HRH1: variants seen among roughly 807,000 people sequenced by gnomAD.
HRH1 encodes histamine H1 receptor.
HRH1 carries 6 observed loss-of-function variants against 10.3 expected under a neutral mutation model. The observed-to-expected ratio is 0.58, with a 90% CI of 0.32 to 1.15. The LOEUF is 1.15. Ranked by LOEUF, HRH1 falls within the 50% of genes most tolerant of loss-of-function variation. HRH1 has a pLI of 0.05. For missense variants in HRH1, 514 were observed against 615.3 expected (o/e 0.84, Z 1.74); for synonymous variants, 242 against 236.7 (o/e 1.02, Z -0.21).
chr3:11,260,174 G>T lies in HRH1; in HGVS notation c.1137G>T (p.Gly379=), dbSNP rs774174958. The T allele has an allele frequency of 4.3e-6, 7 of 1,614,030 alleles. No homozygotes were observed. The South Asian group carries it at 6.6e-5, about 15-fold the overall frequency. The change falls in exon 2 of 2, where the codon GGG becomes GGT. Residue 379 remains glycine (G), a synonymous_variant. Coordinates refer to ENST00000431010, the MANE Select transcript of HRH1 (RefSeq NM_001098212.2). ...CAGGCAAAGGCAAATTGAGGAGTGG[G>T]TCTAACACAGGCCTGGATTACATCA... The part of the protein sequence containing the change: ...TAPGKGKLRS[G]SNTGLDYIKF...
Position 11,230,283 on chromosome 3 carries a change from G to C in HRH1, c.-35-28720G>C, listed in dbSNP as rs188097238. Among the ~76,000 whole-genome samples, 587 of 152,302 alleles carry C rather than the reference G, an allele frequency of 3.9e-3. 2 individuals are homozygous for C. Among genetic ancestry groups the C allele is most frequent in the South Asian group, 8.3e-3 (40 of 4,826 alleles). ...GACAAGAACTTTAAATTCCATTACT[G>C]GCCTTGGGTGCCAAGATGAGCTCAT... is the stretch of plus-strand genomic sequence containing the variant. On this transcript the variant is annotated intron_variant, in intron 1 of 1. Transcript: ENST00000431010.
intron 1 of HRH1, among the ~76,000 whole-genome samples, chr3:11,212,107 GCCGTGAAATGGCCA>G (rs1337091061): frequency 1.3e-5 from 2 of 152,118 alleles, no homozygotes; most frequent in African/African-American, 2.4e-5. Flanking sequence ...TTGCTGTCCT[GCCGTGAAATGGCCA>G]CCTCCCCAGA....
chr3:11,208,907 T>G (rs746164218), intron 1 of HRH1, among the ~76,000 whole-genome samples: 5 of 152,170 alleles, frequency 3.3e-5, no homozygotes, highest in Non-Finnish European at 7.3e-5. Context: ...CCAAAGAATA[T>G]GTACATTTTA....
chr3:11,193,337 G>A (rs989472698), intron 1 of HRH1, among the ~76,000 whole-genome samples: 19 of 152,210 alleles, frequency 1.2e-4, no homozygotes, highest in Non-Finnish European at 2.6e-4. Flanking sequence ...TTAATATCAG[G>A]CTAGCAGTTA....
At chr3:11,170,683 T>C (rs1378037982) in intron 1 of HRH1, among the ~76,000 whole-genome samples, 3 of 152,206 alleles carry the variant, frequency 2.0e-5, no homozygotes, top group Admixed American at 2.0e-4. Context: ...ACACAAGGGT[T>C]ACGAGCACAC....
chr3:11,251,706 C>T (rs553006313), intron 1 of HRH1, among the ~76,000 whole-genome samples: 2 of 152,138 alleles, frequency 1.3e-5, no homozygotes, highest in African/African-American at 2.4e-5. Context: ...ATCTGTAGTT[C>T]GGATTAAATC....
intron 1 of HRH1, among the ~76,000 whole-genome samples, chr3:11,217,780 A>G (rs1938563432): frequency 6.6e-6 from 1 of 152,234 alleles, no homozygotes; most frequent in Non-Finnish European, 1.5e-5. Context: ...AGATATAGGT[A>G]TTAAGTATAA....
intron 1 of HRH1, among the ~76,000 whole-genome samples, chr3:11,226,714 C>T (rs557630052): frequency 4.6e-5 from 7 of 151,518 alleles, no homozygotes; most frequent in Admixed American, 1.3e-4. Flanking sequence ...GGTGAAACCC[C>T]GTCTCTACTA....
intron 1 of HRH1, among the ~76,000 whole-genome samples, chr3:11,211,108 G>A (rs1938312854): frequency 6.6e-6 from 1 of 152,226 alleles, no homozygotes; most frequent in South Asian, 2.1e-4. Context: ...TTCAAGTAGT[G>A]GTGGATGCTC....
chr3:11,168,191 T>G (rs1383093887), intron 1 of HRH1, among the ~76,000 whole-genome samples: 2 of 152,120 alleles, frequency 1.3e-5, no homozygotes, highest in Non-Finnish European at 2.9e-5. Context: ...GGGTTTGGAA[T>G]GTTCCAGAAA....
At chr3:11,198,459 T>C (rs1392341658) in intron 1 of HRH1, among the ~76,000 whole-genome samples, 1 of 152,212 alleles carries the variant, frequency 6.6e-6, no homozygotes, top group East Asian at 1.9e-4. Context: ...CTTATTATTA[T>C]AATAATCGCT....
intron 1 of HRH1, among the ~76,000 whole-genome samples, chr3:11,228,560 A>G (rs979119063): frequency 6.6e-6 from 1 of 152,054 alleles, no homozygotes; most frequent in Non-Finnish European, 1.5e-5. Flanking sequence ...ATAAGTGAAT[A>G]TCACAGTGCT....
intron 1 of HRH1, among the ~76,000 whole-genome samples, chr3:11,143,261 C>T (rs1437576862): frequency 1.3e-5 from 2 of 152,110 alleles, no homozygotes; most frequent in Non-Finnish European, 2.9e-5. Context: ...GATGTGTGTC[C>T]ACAGGGCCCT....
intron 1 of HRH1, among the ~76,000 whole-genome samples, chr3:11,145,759 A>G (rs1452875916): frequency 2.9e-4 from 3 of 10,412 alleles, no homozygotes; most frequent in South Asian, 0.011. Context: ...CTTCTCCTCC[A>G]GAGGTACCAC....
Position 11,263,175 on chromosome 3 carries a change from A to G in HRH1, c.*2674A>G, listed in dbSNP as rs1309840085. ...TATAAAAGACAACAGACTATGATACAGAAATGTCAGCCCCAGCCCACTAAG... is the reference window on the plus strand; with the variant it reads ...TATAAAAGACAACAGACTATGATACGGAAATGTCAGCCCCAGCCCACTAAG... On this transcript the variant is annotated 3_prime_UTR_variant, in exon 2 of 2. Coordinates refer to ENST00000431010, the MANE Select transcript of HRH1 (RefSeq NM_001098212.2). The G allele has an allele frequency of 1.2e-5, 2 of 167,144 alleles. No individual in the cohort carries two copies. The highest frequency in any genetic ancestry group is 2.4e-5 in the African/African-American group (1 of 41,478). The allele number at this position is 167,144 out of a possible 1,614,324, so 10.4% of individuals were successfully genotyped here. A position where few individuals can be genotyped will look rare whatever the true frequency, so the allele number is the denominator to read the frequency against.
rs1185815416 is a variant in HRH1, at chr3:11,260,320, G to A, written c.1283G>A (p.Trp428Ter). 1.9e-6 allele frequency: 3 copies of A among 1,614,144 alleles called. No homozygotes were observed. The highest frequency in any genetic ancestry group is 2.5e-6 in the Non-Finnish European group (3 of 1,180,020). Residue 428 changes from tryptophan (W) to a stop codon, truncating the protein, a stop_gained, in exon 2 of 2, where the codon TGG becomes TAG. Transcript: ENST00000431010. LOFTEE classifies it high-confidence loss of function. ...ATCATGGCAGCCTTCATCCTCTGCT[G>A]GATCCCTTATTTCATCTTCTTCATG... ...GFIMAAFILC[W>*]IPYFIFFMVI...
intron 1 of HRH1, among the ~76,000 whole-genome samples, chr3:11,195,960 GC>G (rs993572886): frequency 2.0e-5 from 3 of 152,130 alleles, no homozygotes; most frequent in African/African-American, 7.2e-5. Context: ...CGAGTTTTAT[GC>G]CCCCCAGGAA....
chr3:11,249,560 T>G (rs958851513), intron 1 of HRH1, among the ~76,000 whole-genome samples: 1 of 152,166 alleles, frequency 6.6e-6, no homozygotes, highest in Non-Finnish European at 1.5e-5. Flanking sequence ...GGTAAGAACC[T>G]TGGGAAGCTG....
rs1235634181 is a variant in HRH1, at chr3:11,242,591, G to A, written c.-35-16412G>A. 5.3e-5 allele frequency among the ~76,000 whole-genome samples: 8 copies of A among 150,454 alleles called. 1 individual carries two copies. The highest frequency in any genetic ancestry group is 4.3e-4 in the South Asian group (2 of 4,696). ...GAACCTGCCGGAAGGAACCAACTCCGGACACACTACCTCAAGATACATTTA... is the reference window on the plus strand; with the variant it reads ...GAACCTGCCGGAAGGAACCAACTCCAGACACACTACCTCAAGATACATTTA... On this transcript the variant is annotated intron_variant, in intron 1 of 1. Coordinates refer to ENST00000431010, the MANE Select transcript of HRH1 (RefSeq NM_001098212.2).
Sources: gnomAD v4.1 joint callset for allele counts (sites outside exome capture counted in the v4.1 genomes callset) on GRCh38, gnomAD v4.1.1 for gene constraint, MANE v1.5 for transcripts, NCBI Gene and HGNC (gene_info 2026-07-23, HGNC 2026-07-21) for gene names.